The following FBN1 variants were observed in gnomAD, a reference collection of about 807,000 sequenced individuals.
FBN1 encodes the protein fibrillin 1, also known as fibrillin-1.
In FBN1, 29 loss-of-function variants were observed where a neutral mutation model predicts 365.1. That is an observed-to-expected ratio of 0.08 (90% CI 0.06 to 0.11). The LOEUF is 0.11. Ranked by LOEUF, FBN1 falls within the 10% of genes least tolerant of loss-of-function variation. The probability of loss-of-function intolerance (pLI) is 1.00; values close to 1 mark genes in which losing one functional copy is unlikely to be tolerated. For missense variants in FBN1, 2,476 were observed against 3,703.2 expected, an observed-to-expected ratio of 0.67 and a Z score of 8.60; for synonymous variants, 1,210 against 1,270.5, an observed-to-expected ratio of 0.95 and a Z score of 1.01.
chr15:48,626,292 T>C (rs1889877718), intron 2 of FBN1, among the ~76,000 whole-genome samples: 1 of 151,294 alleles, frequency 6.6e-6, no homozygotes, highest in Non-Finnish European at 1.5e-5. Flanking sequence ...TAATTACTAG[T>C]AAGAAATCAG....
chr15:48,636,065 T>G (rs1326234626), intron 2 of FBN1, among the ~76,000 whole-genome samples: 2 of 152,196 alleles, frequency 1.3e-5, no homozygotes, highest in African/African-American at 4.8e-5. Flanking sequence ...CTTTCTCCCC[T>G]CCCAGCAGAC....
rs529563402 is a variant in FBN1 at position 48,408,425 on chromosome 15, T to C, written c.*2565A>G. On this transcript the variant is annotated 3_prime_UTR_variant, in exon 66 of 66. Transcript: ENST00000316623. The stretch of plus-strand genomic sequence containing the variant: ...GTGATTTTGGCTGAGTAAACTGCTA[T>C]TTGTTGAACAAAAATGTAGTTGTTT... The C allele has an allele frequency of 6.5e-6, 1 of 152,800 alleles. No individual in the cohort carries two copies. The highest frequency in any genetic ancestry group is 6.5e-5 in the Admixed American group (1 of 15,300). The allele number at this position is 152,800 out of a possible 1,614,324, so 9.5% of individuals were successfully genotyped here.
At position 48,510,189 on chromosome 15, in the gene FBN1, A is replaced by G. The variant is rs916810794; in HGVS notation, c.1589-20T>C. On this transcript the variant is annotated intron_variant, in intron 13 of 65. Transcript: ENST00000316623. ...CAATGTCTAAAATCAAAGTTTAAAA[A>G]GAAGAAATAGCTTTATTTAGGGGAG... is the stretch of plus-strand genomic sequence containing the variant. 6.2e-7 allele frequency: 1 copy of G among 1,611,936 alleles called. No homozygotes were observed. The highest frequency in any genetic ancestry group is 8.5e-7 in the Non-Finnish European group (1 of 1,178,396).
intron 2 of FBN1, chr15:48,641,164 C>T (rs1271743577): frequency 6.6e-6 from 1 of 151,926 alleles, no homozygotes; most frequent in African/African-American, 2.4e-5. Context: ...ACACTGATTC[C>T]ATTTTTAAAA....
chr15:48,539,011 A>G (rs1347615503), intron 6 of FBN1, among the ~76,000 whole-genome samples: 3 of 152,336 alleles, frequency 2.0e-5, no homozygotes, highest in East Asian at 1.9e-4. Flanking sequence ...TAAGGAAAAA[A>G]GGACAACTTT....
chr15:48,457,938 G>C (rs969929627), intron 43 of FBN1, among the ~76,000 whole-genome samples: 1 of 151,880 alleles, frequency 6.6e-6, no homozygotes, highest in African/African-American at 2.4e-5. Context: ...ATCATATAAG[G>C]GAAGATCGTA....
In FBN1 at chr15:48,642,517, G is replaced by A. The variant is rs188027549; in HGVS notation, c.164+2089C>T. On this transcript the variant is annotated intron_variant, in intron 2 of 65. Coordinates refer to ENST00000316623, the MANE Select transcript of FBN1 (RefSeq NM_000138.5). ...TATTAAAAAGGATACACACACACAT[G>A]TGTATGTATACATATATATTTGTGT... The A allele has an allele frequency of 6.6e-5, 10 of 151,716 alleles. No individual in the cohort carries two copies. In the East Asian group the frequency reaches 1.8e-3, roughly 27 times the overall value. The allele number at this position is 151,716 out of a possible 1,614,324, so 9.4% of individuals were successfully genotyped here.
At chr15:48,641,084 G>A (rs1029253280) in intron 2 of FBN1, 2 of 152,132 alleles carry the variant, frequency 1.3e-5, no homozygotes, top group African/African-American at 4.8e-5. Flanking sequence ...ATTTCACGTG[G>A]TTTTGAAACT....
At chr15:48,457,413 G>A (rs2141261374) in intron 43 of FBN1, among the ~76,000 whole-genome samples, 1 of 152,272 alleles carries the variant, frequency 6.6e-6, no homozygotes, top group Non-Finnish European at 1.5e-5. Context: ...CAGGTAGTAA[G>A]TGCTCAATTC....
Position 48,463,894 on chromosome 15 carries a change from C to A in FBN1, c.5065+5G>T, listed in dbSNP as rs773660804. 6.2e-7 allele frequency: 1 copy of A among 1,609,608 alleles called. No individual in the cohort carries two copies. The highest frequency in any genetic ancestry group is 8.5e-7 in the Non-Finnish European group (1 of 1,177,710). ...CATGCATTACTGAGAAAAGCTTGGA[C>A]TTACCCATGCAATTATTTCCCCCAT... On this transcript the variant is annotated splice_donor_5th_base_variant and intron_variant, in intron 41 of 65. Coordinates refer to ENST00000316623, the MANE Select transcript of FBN1 (RefSeq NM_000138.5).
At chr15:48,518,815 C>T (rs148416350) in intron 10 of FBN1, among the ~76,000 whole-genome samples, 27 of 152,318 alleles carry the variant, frequency 1.8e-4, no homozygotes, top group Middle Eastern at 6.8e-3. Context: ...GAGCCCAGAT[C>T]TCTGTAGCAC....
In FBN1 at chr15:48,513,572, G is replaced by A. The variant is rs1332343769; in HGVS notation, c.1565C>T (p.Thr522Ile). The change falls in exon 13 of 66, where the codon ACA becomes ATA. Residue 522 changes from threonine (T) to isoleucine (I), a missense_variant. This residue lies in a region of FBN1 where 1,780 missense variants were observed against 2,840.8 expected (regional missense o/e 0.63). Coordinates refer to ENST00000316623, the MANE Select transcript of FBN1 (RefSeq NM_000138.5). ...TCQCRAGYQS[T>I]LTRTECRDID... ...ACCTCGGCATTCTGTCCGCGTGAGT[G>A]TGCTCTGATATCCAGCTCGGCACTG... 2 of 1,613,964 alleles carry A rather than the reference G, an allele frequency of 1.2e-6. No homozygotes were observed. Among genetic ancestry groups the A allele is most frequent in the African/African-American group, 2.7e-5 (2 of 75,008 alleles).
chr15:48,471,596 G>T (rs2043377394), intron 35 of FBN1, among the ~76,000 whole-genome samples: 1 of 152,118 alleles, frequency 6.6e-6, no homozygotes, highest in South Asian at 2.1e-4. Flanking sequence ...AATATAAACT[G>T]TATAAAGAAC....
intron 50 of FBN1, among the ~76,000 whole-genome samples, chr15:48,439,174 T>C (rs2043094500): frequency 6.6e-6 from 1 of 152,138 alleles, no homozygotes; most frequent in African/African-American, 2.4e-5. Flanking sequence ...AAAGTTTCTA[T>C]CTATCTATCT....
At chr15:48,536,252 T>G (rs900325725) in intron 7 of FBN1, among the ~76,000 whole-genome samples, 1 of 152,218 alleles carries the variant, frequency 6.6e-6, no homozygotes, top group Non-Finnish European at 1.5e-5. Context: ...GGATGTTGAA[T>G]AGCAGAGTTA....
At chr15:48,594,506 C>G (rs1224831621) in intron 6 of FBN1, among the ~76,000 whole-genome samples, 1 of 152,200 alleles carries the variant, frequency 6.6e-6, no homozygotes, top group Non-Finnish European at 1.5e-5. Flanking sequence ...GTTGAAGACA[C>G]CCCCAAACTT....
At chr15:48,532,497 T>TAC (rs1241044001) in intron 8 of FBN1, among the ~76,000 whole-genome samples, 1 of 149,680 alleles carries the variant, frequency 6.7e-6, no homozygotes, top group African/African-American at 2.5e-5. Flanking sequence ...TGTGTATATA[T>TAC]ATATGTGTAT....
chr15:48,591,789 T>A (rs1192910413), intron 6 of FBN1, among the ~76,000 whole-genome samples: 2 of 152,098 alleles, frequency 1.3e-5, no homozygotes, highest in Non-Finnish European at 2.9e-5. Flanking sequence ...GAGTTATGAG[T>A]GGCCCCTTTC....
chr15:48,517,899 G>T (rs2141332954), intron 10 of FBN1, among the ~76,000 whole-genome samples: 2 of 152,218 alleles, frequency 1.3e-5, no homozygotes, highest in South Asian at 2.1e-4. Context: ...GACAGTAATA[G>T]GTCTTACTGA....
Sources: allele counts gnomAD v4.1 joint callset (sites outside exome capture counted in the v4.1 genomes callset), GRCh38; gene constraint gnomAD v4.1.1; regional missense constraint gnomAD v4.1.1; transcripts MANE v1.5; gene names NCBI Gene and HGNC (gene_info 2026-07-23, HGNC 2026-07-21).